The following NEO1 variants were observed in gnomAD, a reference collection of about 807,000 sequenced individuals.
The protein encoded by NEO1 is neogenin 1, also known as neogenin.
A neutral mutation model predicts 159.7 loss-of-function variants in NEO1; 63 were observed. The observed-to-expected ratio is 0.39, with a 90% CI of 0.32 to 0.49. NEO1 has a LOEUF of 0.49. NEO1 is among the 20% of genes least tolerant of loss of function. The pLI, the probability that NEO1 is intolerant of heterozygous loss-of-function variation, is 0.85. For missense variants in NEO1, 1,615 were observed against 1,831.0 expected, an observed-to-expected ratio of 0.88 and a Z score of 2.15; for synonymous variants, 633 against 662.0, an observed-to-expected ratio of 0.96 and a Z score of 0.67.
At position 73,270,416 on chromosome 15, in the gene NEO1, C is replaced by T. The variant is rs773755176; in HGVS notation, c.2819C>T (p.Thr940Ile). The T allele has an allele frequency of 1.2e-6, 2 of 1,614,002 alleles. No homozygotes were observed. Among genetic ancestry groups the T allele is most frequent in the Admixed American group, 3.3e-5 (2 of 60,010 alleles). Residue 940 changes from threonine (T) to isoleucine (I), a missense_variant, in exon 18 of 29, where the codon ACA becomes ATA. Thr to Ile is a moderately conservative substitution (Grantham distance 89, BLOSUM62 -1). Coordinates refer to ENST00000261908, the MANE Select transcript of NEO1 (RefSeq NM_002499.4). ...GTGACCAAAGGTCGAAGATCAAGTA[C>T]ATGGAGTATGACAGCCCATGGGACC... ...VMVTKGRRSSTWSMTAHGTTF... is the reference protein window; with the variant it reads ...VMVTKGRRSSIWSMTAHGTTF...
chr15:73,198,226 A>T (rs766745810), intron 7 of NEO1, among the ~76,000 whole-genome samples: 2 of 152,062 alleles, frequency 1.3e-5, no homozygotes, highest in Non-Finnish European at 2.9e-5. Context: ...TCACCAAACA[A>T]TTAAAAAGAA....
intron 7 of NEO1, among the ~76,000 whole-genome samples, chr15:73,235,169 C>T (rs1016153812): frequency 3.9e-5 from 6 of 152,290 alleles, no homozygotes; most frequent in African/African-American, 9.6e-5. Flanking sequence ...ATTACACTCT[C>T]GCAGTTCACA....
chr15:73,105,921 C>T (rs1049713019), intron 1 of NEO1, among the ~76,000 whole-genome samples: 13 of 152,076 alleles, frequency 8.5e-5, no homozygotes, highest in African/African-American at 3.1e-4. Flanking sequence ...TACATTTCCC[C>T]CTTTGTAATT....
intron 5 of NEO1, among the ~76,000 whole-genome samples, chr15:73,144,067 GA>G (rs2151797824): frequency 7.1e-6 from 1 of 140,156 alleles, no homozygotes; most frequent in South Asian, 2.2e-4. Context: ...GATTTGATTT[GA>G]TGTTTGTGGT....
intron 21 of NEO1, among the ~76,000 whole-genome samples, chr15:73,277,545 GT>G (rs1276425092): frequency 6.6e-6 from 1 of 152,168 alleles, no homozygotes; most frequent in Non-Finnish European, 1.5e-5. Flanking sequence ...CCTCTGGAAT[GT>G]TTAGGTGACT....
At chr15:73,133,521 G>A (rs910038984) in intron 4 of NEO1, among the ~76,000 whole-genome samples, 1 of 152,078 alleles carries the variant, frequency 6.6e-6, no homozygotes, top group Non-Finnish European at 1.5e-5. Flanking sequence ...GTAACCAAAC[G>A]CAACCTGTTC....
At chr15:73,301,241 A>G in intron 27 of NEO1, 80 bp from the exon 28 acceptor site, 1 of 1,578,538 alleles carries the variant, frequency 6.3e-7, no homozygotes. Flanking sequence ...ACCCCGAAGC[A>G]GCACTTGGAC....
chr15:73,301,398 G>C lies in NEO1; in HGVS notation c.4243G>C (p.Val1415Leu). 6.2e-7 allele frequency: 1 copy of C among 1,614,186 alleles called. No individual in the cohort carries two copies. The highest frequency in any genetic ancestry group is 1.3e-5 in the African/African-American group (1 of 75,036). ...LGRSRPPMPV[V>L]VPSAPEVQET... ...AAGGAGCCGGCCTCCTATGCCAGTG[G>C]TTGTTCCCAGTGCCCCTGAAGTGCA... Residue 1415 changes from valine to leucine, a missense_variant, in exon 28 of 29, where the codon GTT (valine) becomes CTT (leucine). Val to Leu is a conservative substitution (Grantham distance 32). This residue lies in a region of NEO1 where 471 missense variants were observed against 498.9 expected (regional missense o/e 0.94). Transcript: ENST00000261908.
At chr15:73,226,571 G>A (rs916500194) in intron 7 of NEO1, among the ~76,000 whole-genome samples, 2 of 152,116 alleles carry the variant, frequency 1.3e-5, no homozygotes, top group Admixed American at 6.6e-5. Flanking sequence ...TTTGATTGTT[G>A]TTCTCTTTTT....
At chr15:73,200,670 CTTTTTT>C (rs931779531) in intron 7 of NEO1, among the ~76,000 whole-genome samples, 2 of 92,866 alleles carry the variant, frequency 2.2e-5, no homozygotes, top group Non-Finnish European at 4.2e-5. Flanking sequence ...ATTCCCTTAT[CTTTTTT>C]TTTTTTTTTT....
intron 18 of NEO1, among the ~76,000 whole-genome samples, chr15:73,271,408 T>G (rs2041162204): frequency 6.6e-6 from 1 of 152,238 alleles, no homozygotes; most frequent in African/African-American, 2.4e-5. Flanking sequence ...AGGATGTACT[T>G]AATTTGCTCA....
At chr15:73,154,839 G>A (rs913797208) in intron 5 of NEO1, among the ~76,000 whole-genome samples, 6 of 152,074 alleles carry the variant, frequency 3.9e-5, no homozygotes, top group South Asian at 4.1e-4. Context: ...ATCCATTTAC[G>A]TTCAGCATTA....
chr15:73,188,436 G>C (rs937939026), intron 7 of NEO1, among the ~76,000 whole-genome samples: 3 of 152,130 alleles, frequency 2.0e-5, no homozygotes, highest in Non-Finnish European at 4.4e-5. Context: ...TATCATTACA[G>C]GGGTTCAAAG....
intron 7 of NEO1, among the ~76,000 whole-genome samples, chr15:73,188,327 T>C (rs986956494): frequency 6.6e-6 from 1 of 152,220 alleles, no homozygotes; most frequent in African/African-American, 2.4e-5. Flanking sequence ...AATGTCTAAA[T>C]GTGTATATAC....
intron 5 of NEO1, 85 bp downstream of exon 5, chr15:73,136,112 GC>G: frequency 8.5e-7 from 1 of 1,182,098 alleles, no homozygotes; most frequent in Non-Finnish European, 1.1e-6. Flanking sequence ...CATGGGCGAG[GC>G]AATACAGCAA....
rs1175156502 is a variant in NEO1, at chr15:73,272,448, T to G, written c.2858-7T>G. 1.2e-6 allele frequency: 2 copies of G among 1,605,394 alleles called. No individual in the cohort carries two copies. The highest frequency in any genetic ancestry group is 1.7e-6 in the Non-Finnish European group (2 of 1,173,144). On this transcript the variant is annotated splice_region_variant and splice_polypyrimidine_tract_variant and intron_variant, in intron 18 of 28. Coordinates refer to ENST00000261908, the MANE Select transcript of NEO1 (RefSeq NM_002499.4). Reference sequence around the variant, plus strand: ...CAGAAATTATTAAAAATTTTGTTATTTTGTAGTTCCGACTTCTCCACCCAA... The same window carrying G: ...CAGAAATTATTAAAAATTTTGTTATGTTGTAGTTCCGACTTCTCCACCCAA...
At chr15:73,089,602 ATT>A (rs200249919) in intron 1 of NEO1, among the ~76,000 whole-genome samples, 16 of 139,884 alleles carry the variant, frequency 1.1e-4, no homozygotes, top group African/African-American at 1.0e-4. Flanking sequence ...AACTTACACC[ATT>A]TTTTTTTTTT....
chr15:73,169,024 A>G (rs565861588), intron 5 of NEO1, among the ~76,000 whole-genome samples: 2 of 152,320 alleles, frequency 1.3e-5, no homozygotes, highest in Admixed American at 6.5e-5. Flanking sequence ...CTTTCAAATG[A>G]AACAATAGAA....
chr15:73,162,250 C>A, intron 5 of NEO1: 1 of 216,646 alleles, frequency 4.6e-6, no homozygotes, highest in Non-Finnish European at 9.6e-6. Context: ...GTGCTGTTAC[C>A]TGATATGCAC....
Sources: gnomAD v4.1 joint callset for allele counts (sites outside exome capture counted in the v4.1 genomes callset) on GRCh38, gnomAD v4.1.1 for gene constraint, gnomAD v4.1.1 regional missense constraint, MANE v1.5 for transcripts, NCBI Gene and HGNC (gene_info 2026-07-23, HGNC 2026-07-21) for gene names.